FYCO1: variants seen among roughly 807,000 people sequenced by gnomAD.
The protein encoded by FYCO1 is FYVE and coiled-coil domain autophagy adaptor 1, also known as FYVE and coiled-coil domain-containing protein 1.
In FYCO1, 122 loss-of-function variants were observed where a neutral mutation model predicts 165.1. That is an observed-to-expected ratio of 0.74 (90% confidence interval 0.64 to 0.86). The LOEUF (loss-of-function observed/expected upper bound fraction) is 0.86. Among genes scored for constraint, FYCO1 ranks in the 40% least tolerant of loss-of-function variants. The pLI, the probability that FYCO1 is intolerant of heterozygous loss-of-function variation, is 0.00. For synonymous variants in FYCO1, 648 were observed against 742.5 expected (o/e 0.87, Z 2.07); for missense variants, 1,702 against 1,810.3 (o/e 0.94, Z 1.09).
intron 17 of FYCO1, 143 bp from the exon 18 acceptor site, chr3:45,921,983 G>A (rs532333232): frequency 3.1e-5 from 22 of 701,408 alleles, no homozygotes; most frequent in East Asian, 5.5e-5. Flanking sequence ...TTTCCTGTCT[G>A]TCTAGTGGAG....
chr3:45,947,036 G>C, intron 14 of FYCO1: 2 of 1,614,166 alleles, frequency 1.2e-6, no homozygotes, highest in Non-Finnish European at 1.7e-6. Flanking sequence ...ACCATGACGA[G>C]GCAATTTCCA....
At chr3:45,952,221 G>A (rs113126317) in intron 14 of FYCO1, among the ~76,000 whole-genome samples, 2,631 of 152,288 alleles carry the variant, frequency 0.017, 78 homozygotes, top group African/African-American at 0.058. Flanking sequence ...CTTCCAAGTG[G>A]CCTAATATTC....
chr3:45,979,950 G>T, intron 3 of FYCO1, 120 bp from the exon 4 acceptor site: 3 of 1,257,896 alleles, frequency 2.4e-6, no homozygotes, highest in Non-Finnish European at 2.3e-6. Flanking sequence ...GCCCTTTATT[G>T]GCATTATTTT....
intron 11 of FYCO1, among the ~76,000 whole-genome samples, chr3:45,960,138 T>C (rs1465017145): frequency 6.6e-6 from 1 of 152,238 alleles, no homozygotes; most frequent in Non-Finnish European, 1.5e-5. Flanking sequence ...AGTGTCAGAA[T>C]GTGCCTGATG....
chr3:45,973,332 A>T, intron 5 of FYCO1, 101 bp from the exon 6 acceptor site: 1 of 1,200,282 alleles, frequency 8.3e-7, no homozygotes, highest in Non-Finnish European at 1.2e-6. Context: ...AACTCAGGTT[A>T]CTAAATTAAA....
chr3:45,995,224 GA>G (rs1310240024), intron 1 of FYCO1, among the ~76,000 whole-genome samples: 1 of 152,242 alleles, frequency 6.6e-6, no homozygotes, highest in Non-Finnish European at 1.5e-5. Context: ...GGGCCAGGAA[GA>G]AAGAAGCTTC....
intron 16 of FYCO1, among the ~76,000 whole-genome samples, chr3:45,930,115 C>T (rs770596344): frequency 9.2e-5 from 14 of 152,222 alleles, no homozygotes; most frequent in Non-Finnish European, 8.8e-5. Context: ...GCAATTCTTG[C>T]AAAATGGAGA....
In FYCO1 at chr3:45,993,737, G is replaced by A. The variant is rs1289400999; in HGVS notation, c.-113+1985C>T. 6.6e-6 allele frequency among the ~76,000 whole-genome samples: 1 copy of A among 152,090 alleles called. No homozygotes were observed. The highest frequency in any genetic ancestry group is 1.5e-5 in the Non-Finnish European group (1 of 68,022). ...CCTAGGGCTGCTTGCAGTGAACGTGGTTCCTAAATCTAGGTGCCTACCAGT... is the reference window on the plus strand; with the variant it reads ...CCTAGGGCTGCTTGCAGTGAACGTGATTCCTAAATCTAGGTGCCTACCAGT... On this transcript the variant is annotated intron_variant, in intron 1 of 17. Transcript: ENST00000296137. The surrounding 1 kb of genome is among the most constrained non-coding windows in gnomAD (Gnocchi z 4.4).
intron 5 of FYCO1, 142 bp downstream of exon 5, chr3:45,975,097 G>A (rs760670651): frequency 1.8e-5 from 13 of 738,304 alleles, no homozygotes; most frequent in Non-Finnish European, 3.2e-5. Flanking sequence ...AGGGGTGGAA[G>A]ACAATGATAT....
chr3:45,931,308 T>C, intron 15 of FYCO1, 27 bp from the exon 16 acceptor site: 3 of 1,606,782 alleles, frequency 1.9e-6, no homozygotes, highest in Non-Finnish European at 2.6e-6. Context: ...GAGAGGGACC[T>C]GATTGACTGG....
Position 45,995,721 on chromosome 3 carries a change from C to G in FYCO1, c.-113+1G>C, listed in dbSNP as rs1314514266. On this transcript the variant is annotated splice_donor_variant, in intron 1 of 17. Transcript: ENST00000296137. LOFTEE classifies it low-confidence loss of function (5UTR_SPLICE). ...TCCAGCCGGTCTTCCGCGGCACTTA[C>G]GCGCTCGTGGGTCCACCGCCGGGCA... 1 of 152,728 alleles carries G rather than the reference C, an allele frequency of 6.5e-6. No homozygotes were observed. The highest frequency in any genetic ancestry group is 1.5e-5 in the Non-Finnish European group (1 of 68,104). The allele number at this position is 152,728 out of a possible 1,614,324, so 9.5% of individuals were successfully genotyped here. A position where few individuals can be genotyped will look rare whatever the true frequency, so the allele number is the denominator to read the frequency against.
chr3:45,947,606 T>C (rs752911152), intron 14 of FYCO1: 15 of 936,572 alleles, frequency 1.6e-5, no homozygotes, highest in Non-Finnish European at 2.3e-5. Flanking sequence ...AGCTTGCGCA[T>C]TCTCATGGAG....
rs1308961538 is a variant in FYCO1, at chr3:45,921,868, G to T, written c.4362-28C>A. 2.7e-6 allele frequency: 4 copies of T among 1,499,206 alleles called. No individual in the cohort carries two copies. The African/African-American group carries it at 4.1e-5, about 15-fold the overall frequency. 92.9% of individuals were successfully genotyped at this position (1,499,206 alleles called of 1,614,324 possible). Reference sequence around the variant, plus strand: ...GAGGAAACAGAAATGGAAAGGGAGGGTGTTACCTGAGAGCTGAAAGTCCGA... The same window carrying T: ...GAGGAAACAGAAATGGAAAGGGAGGTTGTTACCTGAGAGCTGAAAGTCCGA... On this transcript the variant is annotated intron_variant, in intron 17 of 17. Transcript: ENST00000296137.
chr3:45,960,713 T>G (rs1705655410), intron 11 of FYCO1, among the ~76,000 whole-genome samples: 1 of 152,244 alleles, frequency 6.6e-6, no homozygotes, highest in Non-Finnish European at 1.5e-5. Flanking sequence ...TCCATGGTGC[T>G]GCTAACATCA....
chr3:45,931,342 C>T (rs1177484668), intron 15 of FYCO1, 61 bp from the exon 16 acceptor site: 29 of 1,516,696 alleles, frequency 1.9e-5, no homozygotes, highest in Non-Finnish European at 2.5e-5. Flanking sequence ...GTCCACTGGC[C>T]AGGTCATCTG....
Position 45,966,482 on chromosome 3 carries a change from A to G in FYCO1, c.2852T>C (p.Val951Ala). ...CTCCTTCTCTTGCTGCAGCCCAGCT[A>G]CTTGGCGCTCCAGGCCCTCTCGCTC... ...SREREGLERQ[V>A]AGLQQEKESL... is the part of the protein sequence containing the mutation. The change falls in exon 8 of 18, where the codon GTA becomes GCA. Residue 951 changes from valine (V) to alanine (A), a missense_variant. By Grantham distance (64) the Val-to-Ala change is moderately conservative. Transcript: ENST00000296137. The G allele has an allele frequency of 6.2e-7, 1 of 1,610,480 alleles. No individual in the cohort carries two copies. Among genetic ancestry groups the G allele is most frequent in the South Asian group, 1.1e-5 (1 of 91,012 alleles).
Position 45,968,518 on chromosome 3 carries a change from C to T in FYCO1, c.816G>A (p.Glu272=), listed in dbSNP as rs375970181. 6 of 1,613,910 alleles carry T rather than the reference C, an allele frequency of 3.7e-6. No homozygotes were observed. Among genetic ancestry groups the T allele is most frequent in the South Asian group, 1.1e-5 (1 of 91,090 alleles). ...CCCTCTCCCTCTCTGTCTGCAGTTG[C>T]TCCCCTTGCTGGCTGACAGCTGCCC... The part of the protein sequence containing the change: ...ELRAAVSQQG[E]QLQTERERGR... Residue 272 remains glutamate, a synonymous_variant, in exon 8 of 18, where the codon GAG becomes GAA. Coordinates refer to ENST00000296137, the MANE Select transcript of FYCO1 (RefSeq NM_024513.4).
At chr3:45,947,204 G>A in intron 14 of FYCO1, 4 of 1,614,148 alleles carry the variant, frequency 2.5e-6, no homozygotes, top group South Asian at 2.2e-5. Flanking sequence ...CTGTGTTCCT[G>A]CTGACCCAGA....
At chr3:45,979,183 C>T (rs977833077) in intron 4 of FYCO1, among the ~76,000 whole-genome samples, 1 of 152,190 alleles carries the variant, frequency 6.6e-6, no homozygotes, top group Non-Finnish European at 1.5e-5. Flanking sequence ...TGTAAAACAG[C>T]AAAGCCATGG....
Sources: gnomAD v4.1 joint callset for allele counts (sites outside exome capture counted in the v4.1 genomes callset) on GRCh38, gnomAD v4.1.1 for gene constraint, Gnocchi (gnomAD v3.1) non-coding constraint, MANE v1.5 for transcripts, NCBI Gene and HGNC (gene_info 2026-07-23, HGNC 2026-07-21) for gene names.